TBC1D12: variants seen among roughly 807,000 people sequenced by gnomAD.
TBC1D12 encodes the protein TBC1 domain family, member 12.
Under a neutral mutation model 86.7 loss-of-function variants are expected in TBC1D12, and 56 were observed. That is an observed-to-expected ratio of 0.65 (90% CI 0.52 to 0.81). The LOEUF (loss-of-function observed/expected upper bound fraction) is 0.81. TBC1D12 is among the 30% of genes least tolerant of loss of function. The pLI, the probability that TBC1D12 is intolerant of heterozygous loss-of-function variation, is 0.00. For missense variants in TBC1D12, 1,023 were observed against 1,038.8 expected (o/e 0.98, Z 0.21); for synonymous variants, 421 against 411.7 (o/e 1.02, Z -0.27).
At chr10:94,528,638 A>G (rs1403563346) in intron 11 of TBC1D12, among the ~76,000 whole-genome samples, 1 of 152,068 alleles carries the variant, frequency 6.6e-6, no homozygotes, top group Non-Finnish European at 1.5e-5. Context: ...CCTGGACAAT[A>G]TGGTGAAACC....
chr10:94,456,419 C>T (rs1282732141), intron 2 of TBC1D12, among the ~76,000 whole-genome samples: 3 of 152,112 alleles, frequency 2.0e-5, no homozygotes. Context: ...AAGATTTCTT[C>T]TTTGACACAT....
chr10:94,460,202 T>C (rs1234262037), intron 2 of TBC1D12, among the ~76,000 whole-genome samples: 3 of 152,116 alleles, frequency 2.0e-5, no homozygotes, highest in Non-Finnish European at 4.4e-5. Context: ...ATCACGCCAC[T>C]GCACTCCAGC....
chr10:94,445,511 C>T (rs901657620), intron 2 of TBC1D12, among the ~76,000 whole-genome samples: 4 of 152,112 alleles, frequency 2.6e-5, no homozygotes, highest in Non-Finnish European at 4.4e-5. Flanking sequence ...TATTTCTCTG[C>T]GCCACTTATT....
chr10:94,423,183 C>T (rs11187937), intron 1 of TBC1D12, among the ~76,000 whole-genome samples: 68,358 of 151,848 alleles, frequency 0.45, 15,762 homozygotes, highest in East Asian at 0.79. Flanking sequence ...ATACCTGGAT[C>T]ACAGAGTGCC....
chr10:94,485,544 C>CTTTTTT, intron 3 of TBC1D12, among the ~76,000 whole-genome samples: 1 of 122,770 alleles, frequency 8.1e-6, no homozygotes, highest in Non-Finnish European at 1.7e-5. Context: ...TGTAGTTTTC[C>CTTTTTT]TTTTTTTTTT....
At chr10:94,412,076 T>C (rs1213747635) in intron 1 of TBC1D12, among the ~76,000 whole-genome samples, 1 of 152,208 alleles carries the variant, frequency 6.6e-6, no homozygotes, top group Non-Finnish European at 1.5e-5. Flanking sequence ...AAATGCTGGT[T>C]CTAAAGTTAG....
In TBC1D12 at chr10:94,533,113, A is replaced by G; in HGVS notation, c.*17A>G. 1.3e-6 allele frequency: 2 copies of G among 1,532,248 alleles called. No individual in the cohort carries two copies. Among genetic ancestry groups the G allele is most frequent in the Non-Finnish European group, 1.8e-6 (2 of 1,130,120 alleles). The allele number at this position is 1,532,248 out of a possible 1,614,324, so 94.9% of individuals were successfully genotyped here. A position where few individuals can be genotyped will look rare whatever the true frequency, so the allele number is the denominator to read the frequency against. The stretch of plus-strand genomic sequence containing the variant: ...AAAAGCTAGTCTTCAAAATTGACAG[A>G]CTAACTGACATAGAAAAAGTGGTTT... On this transcript the variant is annotated 3_prime_UTR_variant, in exon 13 of 13. Coordinates refer to ENST00000225235, the MANE Select transcript of TBC1D12 (RefSeq NM_015188.2).
intron 1 of TBC1D12, among the ~76,000 whole-genome samples, chr10:94,424,164 G>C (rs80069862): frequency 2.1e-3 from 316 of 152,242 alleles, no homozygotes; most frequent in Admixed American, 4.1e-3. Context: ...GTATCTGAGG[G>C]AAGTCCTGGA....
rs781343383 is a variant in TBC1D12 at position 94,402,717 on chromosome 10, C to T, written c.104C>T (p.Ala35Val). Residue 35 changes from alanine (A) to valine (V), a missense_variant, in exon 1 of 13, where the codon GCC (alanine) becomes GTC (valine). Physicochemically the swap from Ala to Val is moderately conservative, Grantham distance 64. Transcript: ENST00000225235. ...PVGQDRKVIR[A>V]TGGFGGGVGA... The stretch of plus-strand genomic sequence containing the variant: ...GGCCAGGACAGGAAGGTAATCCGGG[C>T]CACGGGCGGCTTTGGCGGAGGCGTC... 2 of 1,578,144 alleles carry T rather than the reference C, an allele frequency of 1.3e-6. No homozygotes were observed. The highest frequency in any genetic ancestry group is 1.1e-5 in the South Asian group (1 of 87,210).
At chr10:94,455,200 T>A (rs939097827) in intron 2 of TBC1D12, among the ~76,000 whole-genome samples, 2 of 152,062 alleles carry the variant, frequency 1.3e-5, no homozygotes, top group East Asian at 1.9e-4. Flanking sequence ...TTTTTTTTTT[T>A]AAACATTGAG....
chr10:94,449,947 C>A (rs900243876), intron 2 of TBC1D12, among the ~76,000 whole-genome samples: 2 of 152,178 alleles, frequency 1.3e-5, no homozygotes, highest in Admixed American at 6.5e-5. Context: ...GCTTTCGCTA[C>A]AAAACGCAAG....
intron 9 of TBC1D12, among the ~76,000 whole-genome samples, chr10:94,519,352 C>G (rs953273966): frequency 1.3e-5 from 2 of 152,116 alleles, no homozygotes; most frequent in Non-Finnish European, 2.9e-5. Context: ...TGTGCTAGTT[C>G]CCTATGGATA....
Position 94,403,292 on chromosome 10 carries a change from T to A in TBC1D12, c.679T>A (p.Cys227Ser), listed in dbSNP as rs540236850. ...SDSGDSPASS[C>S]SSSEDSEQRG... is the part of the protein sequence containing the mutation. ...CTCGGGGGACAGCCCCGCCAGCAGCTGCAGCAGTAGCGAGGACTCAGAGCA... is the reference window on the plus strand; with the variant it reads ...CTCGGGGGACAGCCCCGCCAGCAGCAGCAGCAGTAGCGAGGACTCAGAGCA... The change falls in exon 1 of 13, where the codon TGC (cysteine) becomes AGC (serine). Residue 227 changes from cysteine (C) to serine (S), a missense_variant. By Grantham distance (112) the Cys-to-Ser change is moderately radical (BLOSUM62 -1). Transcript: ENST00000225235. The A allele has an allele frequency of 4.6e-4, 685 of 1,500,454 alleles. 3 individuals carry two copies. Among genetic ancestry groups the A allele is most frequent in the South Asian group, 1.1e-3 (89 of 77,694 alleles). The allele number at this position is 1,500,454 out of a possible 1,614,324, so 92.9% of individuals were successfully genotyped here.
At chr10:94,518,849 C>T (rs1367632321) in intron 9 of TBC1D12, among the ~76,000 whole-genome samples, 4 of 152,164 alleles carry the variant, frequency 2.6e-5, no homozygotes, top group South Asian at 4.2e-4. Flanking sequence ...TCAAGGCAGG[C>T]GGATCACCTG....
chr10:94,504,502 A>G (rs1469176413), intron 6 of TBC1D12, among the ~76,000 whole-genome samples: 2 of 152,140 alleles, frequency 1.3e-5, no homozygotes, highest in Non-Finnish European at 2.9e-5. Flanking sequence ...GGATTGAATT[A>G]CATTTATTTT....
chr10:94,439,539 T>A (rs2134087728), intron 1 of TBC1D12, among the ~76,000 whole-genome samples: 1 of 152,280 alleles, frequency 6.6e-6, no homozygotes, highest in South Asian at 2.1e-4. Context: ...TCAGCAAGGC[T>A]GCAGGTTTGC....
chr10:94,486,046 C>G (rs867994163), intron 3 of TBC1D12, among the ~76,000 whole-genome samples: 1 of 150,476 alleles, frequency 6.6e-6, no homozygotes, highest in African/African-American at 2.4e-5. Flanking sequence ...TTTTTCTTTT[C>G]AAAAAAACCA....
At chr10:94,485,565 T>C (rs2056147697) in intron 3 of TBC1D12, among the ~76,000 whole-genome samples, 1 of 144,104 alleles carries the variant, frequency 6.9e-6, no homozygotes, top group South Asian at 2.2e-4. Context: ...TTTTTTTTAG[T>C]GTGTCTTTGT....
At chr10:94,467,254 CAG>C (rs1051962833) in intron 2 of TBC1D12, among the ~76,000 whole-genome samples, 2 of 151,932 alleles carry the variant, frequency 1.3e-5, no homozygotes, top group Non-Finnish European at 2.9e-5. Flanking sequence ...TTTTTTAAGA[CAG>C]AGTTTCGCTG....
Sources: gnomAD v4.1 joint callset for allele counts (sites outside exome capture counted in the v4.1 genomes callset) on GRCh38, gnomAD v4.1.1 for gene constraint, MANE v1.5 for transcripts, NCBI Gene and HGNC (gene_info 2026-07-23, HGNC 2026-07-21) for gene names.